The following UST variants were observed in gnomAD, a reference collection of about 807,000 sequenced individuals.
UST encodes chondroitin sulfate 2-O-sulfotransferase.
UST carries 21 observed loss-of-function variants against 45.6 expected under a neutral mutation model. The ratio of observed to expected loss-of-function variants is 0.46; its 90% CI spans 0.33 to 0.66. The LOEUF (loss-of-function observed/expected upper bound fraction) is 0.66, where lower values mean the gene tolerates loss of function less well. UST is among the 30% of genes least tolerant of loss of function. The pLI is 0.02. For missense variants in UST, 463 were observed against 512.4 expected, an observed-to-expected ratio of 0.90 and a Z score of 0.93; for synonymous variants, 215 against 200.6, an observed-to-expected ratio of 1.07 and a Z score of -0.61.
intron 1 of UST, among the ~76,000 whole-genome samples, chr6:148,861,048 C>G (rs1778302770): frequency 6.6e-6 from 1 of 152,122 alleles, no homozygotes; most frequent in South Asian, 2.1e-4. Flanking sequence ...TTTCTCTTGA[C>G]TGGACTAGTT....
At chr6:148,879,398 G>A (rs1196877865) in intron 1 of UST, among the ~76,000 whole-genome samples, 3 of 152,224 alleles carry the variant, frequency 2.0e-5, no homozygotes, top group Non-Finnish European at 4.4e-5. Flanking sequence ...TGGAAAGTGG[G>A]ATTCAGCCTG....
At chr6:148,894,853 C>G (rs1779091191) in intron 2 of UST, among the ~76,000 whole-genome samples, 3 of 128,088 alleles carry the variant, frequency 2.3e-5, no homozygotes, top group African/African-American at 6.0e-5. Flanking sequence ...GAGTCTCGCT[C>G]TATTGCCAGG....
At chr6:148,903,443 C>G (rs777897453) in intron 2 of UST, among the ~76,000 whole-genome samples, 63 of 152,074 alleles carry the variant, frequency 4.1e-4, no homozygotes, top group Non-Finnish European at 7.2e-4. Context: ...GATACATATT[C>G]TTTATCATGT....
intron 2 of UST, among the ~76,000 whole-genome samples, chr6:148,893,469 C>T (rs1411858110): frequency 6.6e-6 from 1 of 152,202 alleles, no homozygotes. Context: ...TGAAGATGAT[C>T]TCTGTAATCT....
chr6:148,816,604 G>A lies in UST; in HGVS notation c.247+68927G>A, dbSNP rs183954351. On this transcript the variant is annotated intron_variant, in intron 1 of 7. Coordinates refer to ENST00000367463, the MANE Select transcript of UST (RefSeq NM_005715.3). ...TGAGAAACCAAAACCCAACAAAAGA[G>A]TCATGCCCTCAAGTATATGTGCATG... Among the ~76,000 whole-genome samples the A allele has an allele frequency of 3.6e-3, 547 of 152,256 alleles. 4 individuals carry two copies. Among genetic ancestry groups the A allele is most frequent in the African/African-American group, 0.013 (524 of 41,552 alleles).
In UST at chr6:148,953,927, A is replaced by C. The variant is rs759340830; in HGVS notation, c.503A>C (p.His168Pro). ...TAEQPYLFTR[H>P]VHFLNFSRFG... The stretch of plus-strand genomic sequence containing the variant: ...GAACAACCCTATTTATTCACTCGAC[A>C]TGTTCATTTCCTCAACTTCTCAAGG... The change falls in exon 4 of 8, where the codon CAT becomes CCT. Residue 168 changes from histidine (H) to proline (P), a missense_variant. Coordinates refer to ENST00000367463, the MANE Select transcript of UST (RefSeq NM_005715.3). 6.2e-7 allele frequency: 1 copy of C among 1,609,556 alleles called. No individual in the cohort carries two copies. Among genetic ancestry groups the C allele is most frequent in the Admixed American group, 1.7e-5 (1 of 59,158 alleles).
intron 1 of UST, among the ~76,000 whole-genome samples, chr6:148,852,668 C>T (rs538004209): frequency 6.6e-6 from 1 of 152,290 alleles, no homozygotes; most frequent in African/African-American, 2.4e-5. Flanking sequence ...GTCTTTCTCT[C>T]TTGCCAATCC....
intron 7 of UST, among the ~76,000 whole-genome samples, chr6:149,036,905 G>C (rs956941452): frequency 1.1e-4 from 17 of 152,300 alleles, no homozygotes; most frequent in African/African-American, 3.9e-4. Context: ...TTTCTTGTGG[G>C]AGGAAATGTA....
chr6:148,820,632 C>T (rs1213551916), intron 1 of UST, among the ~76,000 whole-genome samples: 1 of 151,906 alleles, frequency 6.6e-6, no homozygotes, highest in Non-Finnish European at 1.5e-5. Flanking sequence ...AGGCGGATCA[C>T]GAGGTCAGGA....
At chr6:149,029,446 ATT>A in intron 7 of UST, among the ~76,000 whole-genome samples, 1 of 145,124 alleles carries the variant, frequency 6.9e-6, no homozygotes, top group East Asian at 2.0e-4. Context: ...ATTATATTAT[ATT>A]ATATATACAT....
intron 7 of UST, among the ~76,000 whole-genome samples, chr6:149,031,300 A>C (rs1208007814): frequency 1.3e-5 from 2 of 152,162 alleles, no homozygotes; most frequent in African/African-American, 4.8e-5. Flanking sequence ...CACATAATGT[A>C]AACCCCTTTA....
chr6:148,800,596 C>G (rs143400568), intron 1 of UST, among the ~76,000 whole-genome samples: 1 of 151,958 alleles, frequency 6.6e-6, no homozygotes, highest in African/African-American at 2.4e-5. Flanking sequence ...TAATGGGCCA[C>G]TTTAGATTTT....
chr6:149,063,982 A>G (rs142964961), intron 7 of UST, among the ~76,000 whole-genome samples: 63 of 152,310 alleles, frequency 4.1e-4, no homozygotes, highest in African/African-American at 1.4e-3. Flanking sequence ...CACAGAATCT[A>G]TACTCTCAGA....
At chr6:149,052,665 A>G (rs901845896) in intron 7 of UST, among the ~76,000 whole-genome samples, 2 of 152,204 alleles carry the variant, frequency 1.3e-5, no homozygotes, top group Non-Finnish European at 2.9e-5. Context: ...TGGGGTAGCT[A>G]GAAAAGTAGG....
intron 7 of UST, among the ~76,000 whole-genome samples, chr6:149,029,481 T>G (rs1293729605): frequency 1.4e-5 from 2 of 145,898 alleles, no homozygotes; most frequent in Non-Finnish European, 3.0e-5. Context: ...ATATAATGTA[T>G]ATATAATATA....
At chr6:149,064,484 G>A (rs1776703237) in intron 7 of UST, among the ~76,000 whole-genome samples, 1 of 152,116 alleles carries the variant, frequency 6.6e-6, no homozygotes, top group South Asian at 2.1e-4. Context: ...GATGATGATG[G>A]TGATGATGAT....
intron 7 of UST, among the ~76,000 whole-genome samples, chr6:149,064,466 C>G (rs999624053): frequency 6.6e-6 from 1 of 152,126 alleles, no homozygotes; most frequent in Admixed American, 6.5e-5. Context: ...AAAGTGCCAA[C>G]TGATGATGAT....
At chr6:148,844,539 G>C (rs1008303931) in intron 1 of UST, among the ~76,000 whole-genome samples, 2 of 152,190 alleles carry the variant, frequency 1.3e-5, no homozygotes, top group Non-Finnish European at 2.9e-5. Flanking sequence ...TGATCAGAAA[G>C]TTACCTCATT....
At chr6:148,985,075 G>T (rs1292887221) in intron 5 of UST, among the ~76,000 whole-genome samples, 1 of 152,186 alleles carries the variant, frequency 6.6e-6, no homozygotes, top group Non-Finnish European at 1.5e-5. Context: ...GGACGGATGT[G>T]CAGGAAAAAT....
Sources: allele counts gnomAD v4.1 joint callset (sites outside exome capture counted in the v4.1 genomes callset), GRCh38; gene constraint gnomAD v4.1.1; transcripts MANE v1.5; gene names NCBI Gene and HGNC (gene_info 2026-07-23, HGNC 2026-07-21).